Variants in MED30 observed in about 807,000 individuals in gnomAD.
MED30 encodes the protein mediator complex subunit 30.
Under a neutral mutation model 21.7 loss-of-function variants are expected in MED30, and 8 were observed. The observed-to-expected ratio is 0.37, with a 90% confidence interval of 0.22 to 0.67. MED30 has a LOEUF of 0.67. Among genes scored for constraint, MED30 ranks in the 30% least tolerant of loss-of-function variants. The pLI, the probability that MED30 is intolerant of heterozygous loss-of-function variation, is 0.58. For synonymous variants in MED30, 79 were observed against 86.7 expected (o/e 0.91, Z 0.49); for missense variants, 203 against 228.2 (o/e 0.89, Z 0.71).
intron 2 of MED30, among the ~76,000 whole-genome samples, chr8:117,529,453 A>C (rs906362817): frequency 6.6e-6 from 1 of 151,994 alleles, no homozygotes; most frequent in Non-Finnish European, 1.5e-5. Flanking sequence ...TGTGGCCTAC[A>C]TCGTCAGATG....
intron 1 of MED30, chr8:117,523,275 C>T (rs1434390965): frequency 1.7e-6 from 2 of 1,154,282 alleles, no homozygotes; most frequent in African/African-American, 3.0e-5. Flanking sequence ...ACTGAGGTGG[C>T]TGACCATGTC....
intron 1 of MED30, 48 bp from the exon 2 acceptor site, chr8:117,528,602 AT>A (rs568189422): frequency 4.7e-5 from 69 of 1,465,660 alleles, no homozygotes; most frequent in South Asian, 1.3e-4. Context: ...GAAAATCTTG[AT>A]TTTTTTTTCA....
rs1818753976 is a variant in MED30, at chr8:117,528,645, G to A, written c.178-6G>A. 6.5e-7 allele frequency: 1 copy of A among 1,536,924 alleles called. No individual in the cohort carries two copies. The highest frequency in any genetic ancestry group is 8.7e-7 in the Non-Finnish European group (1 of 1,144,932). On this transcript the variant is annotated splice_region_variant and splice_polypyrimidine_tract_variant and intron_variant, in intron 1 of 3. Coordinates refer to ENST00000297347, the MANE Select transcript of MED30 (RefSeq NM_080651.4). ...GATATTTTTATTCTTTGTTTTTCCT[G>A]ATAAGCTGCCAAATGGTGTCACTTA...
intron 3 of MED30, among the ~76,000 whole-genome samples, chr8:117,534,003 T>C (rs1372920305): frequency 6.6e-6 from 1 of 152,246 alleles, no homozygotes; most frequent in Non-Finnish European, 1.5e-5. Flanking sequence ...TTGTAAGTTA[T>C]GTTTCCTCAG....
chr8:117,533,065 T>A lies in MED30; in HGVS notation c.441+2238T>A, dbSNP rs1818813146. ...AACTTTGGTTTCAGAGTACCACATGTGTAACTAATGTAAACATAGTTTGTT... is the reference window on the plus strand; with the variant it reads ...AACTTTGGTTTCAGAGTACCACATGAGTAACTAATGTAAACATAGTTTGTT... On this transcript the variant is annotated intron_variant, in intron 3 of 3. Coordinates refer to ENST00000297347, the MANE Select transcript of MED30 (RefSeq NM_080651.4). 2.0e-5 allele frequency among the ~76,000 whole-genome samples: 3 copies of A among 152,210 alleles called. No individual in the cohort carries two copies. In the South Asian group the frequency reaches 6.2e-4, roughly 32 times the overall value.
chr8:117,530,906 A>G, intron 3 of MED30, 79 bp downstream of exon 3: 1 of 942,260 alleles, frequency 1.1e-6, no homozygotes, highest in South Asian at 1.6e-5. Context: ...ACTCCAAAAC[A>G]TAATTTGAAT....
chr8:117,524,947 T>TA (rs1348208593), intron 1 of MED30, among the ~76,000 whole-genome samples: 1 of 152,210 alleles, frequency 6.6e-6, no homozygotes, highest in Non-Finnish European at 1.5e-5. Context: ...GTGTATAGTT[T>TA]ACACTGCATG....
chr8:117,523,376 G>C (rs1416154852), intron 1 of MED30: 3 of 1,545,246 alleles, frequency 1.9e-6, no homozygotes, highest in Non-Finnish European at 2.7e-6. Context: ...ACAGCACTCC[G>C]TCTGTAGGTA....
intron 1 of MED30, among the ~76,000 whole-genome samples, chr8:117,528,314 G>A (rs1219528745): frequency 3.3e-5 from 5 of 151,534 alleles, no homozygotes; most frequent in Admixed American, 3.3e-4. Flanking sequence ...GTTGAGGTCA[G>A]CAGCATGCTG....
chr8:117,533,512 A>G (rs919144880), intron 3 of MED30, among the ~76,000 whole-genome samples: 2 of 152,210 alleles, frequency 1.3e-5, no homozygotes, highest in Admixed American at 6.5e-5. Context: ...AATAATCTGT[A>G]TCATATAATT....
At chr8:117,533,757 G>T (rs1818824963) in intron 3 of MED30, among the ~76,000 whole-genome samples, 1 of 152,080 alleles carries the variant, frequency 6.6e-6, no homozygotes, top group Admixed American at 6.5e-5. Context: ...GTTTTCTATG[G>T]TCTTATAGGT....
intron 1 of MED30, among the ~76,000 whole-genome samples, chr8:117,527,838 G>A (rs1274326020): frequency 6.6e-5 from 10 of 151,718 alleles, no homozygotes; most frequent in Non-Finnish European, 1.5e-4. Context: ...AGATCAGATT[G>A]TGGGAATAAA....
In MED30 at chr8:117,539,891, A is replaced by G. The variant is rs1818949622; in HGVS notation, c.450A>G (p.Lys150=). The G allele has an allele frequency of 6.3e-7, 1 of 1,598,466 alleles. No individual in the cohort carries two copies. Among genetic ancestry groups the G allele is most frequent in the African/African-American group, 1.3e-5 (1 of 74,676 alleles). The change falls in exon 4 of 4, where the codon AAA becomes AAG. Residue 150 remains lysine, a synonymous_variant. Transcript: ENST00000297347. ...TTCTTTTGTTTCTACAGAAACTCAA[A>G]CAGAAGAATCAACAGCTGAAACAAA... is the stretch of plus-strand genomic sequence containing the variant. ...REIAEVNKKL[K]QKNQQLKQIM... is the part of the protein sequence containing the mutation.
At chr8:117,523,366 A>G in intron 1 of MED30, 2 of 1,535,644 alleles carry the variant, frequency 1.3e-6, no homozygotes. Flanking sequence ...ACCAGGGGGC[A>G]CAGCACTCCG....
At chr8:117,527,616 A>G (rs114436775) in intron 1 of MED30, among the ~76,000 whole-genome samples, 1,559 of 143,996 alleles carry the variant, frequency 0.011, 33 homozygotes, top group African/African-American at 0.038. Flanking sequence ...ACATTGTATC[A>G]TGCTTTTCTT....
rs1818955517 is a variant in MED30, at chr8:117,540,183, G to A, written c.*205G>A. 1 of 326,634 alleles carries A rather than the reference G, an allele frequency of 3.1e-6. No homozygotes were observed. The highest frequency in any genetic ancestry group is 5.1e-5 in the Admixed American group (1 of 19,794). The allele number at this position is 326,634 out of a possible 1,614,324, so 20.2% of individuals were successfully genotyped here. A position where few individuals can be genotyped will look rare whatever the true frequency, so the allele number is the denominator to read the frequency against. ...AAGATTATTGTAATAAACTTTGATG[G>A]GGTTTGTATTTTGGTTAATCTTCAT... On this transcript the variant is annotated 3_prime_UTR_variant, in exon 4 of 4. Coordinates refer to ENST00000297347, the MANE Select transcript of MED30 (RefSeq NM_080651.4).
intron 1 of MED30, among the ~76,000 whole-genome samples, chr8:117,522,557 G>A (rs966024713): frequency 1.3e-5 from 2 of 151,916 alleles, no homozygotes; most frequent in Non-Finnish European, 2.9e-5. Flanking sequence ...CTAGTCAGTG[G>A]TAGGGTAAAT....
In MED30 at chr8:117,520,855, G is replaced by C. The variant is rs564361759; in HGVS notation, c.-22G>C. ...TGACACCTGCTGTCTGGCCCCTTCC[G>C]GCCTGAAGCTGCAGCCGCGCCATGT... is the stretch of plus-strand genomic sequence containing the variant. On this transcript the variant is annotated 5_prime_UTR_variant, in exon 1 of 4. Transcript: ENST00000297347. 2.7e-5 allele frequency: 42 copies of C among 1,562,382 alleles called. No homozygotes were observed. Among genetic ancestry groups the C allele is most frequent in the Middle Eastern group, 4.5e-4 (2 of 4,448 alleles).
In MED30 at chr8:117,520,898, G is replaced by A; in HGVS notation, c.22G>A (p.Ala8Thr). The A allele has an allele frequency of 1.2e-6, 2 of 1,604,716 alleles. No homozygotes were observed. The highest frequency in any genetic ancestry group is 1.7e-6 in the Non-Finnish European group (2 of 1,176,044). The stretch of plus-strand genomic sequence containing the variant: ...CGCCATGTCCACCCCTCCGTTGGCC[G>A]CGTCGGGGATGGCGCCCGGGCCCTT... Reference protein sequence around the residue: MSTPPLAASGMAPGPFAG... With the variant: MSTPPLATSGMAPGPFAG... Residue 8 changes from alanine to threonine, a missense_variant, in exon 1 of 4, where the codon GCG (alanine) becomes ACG (threonine). Coordinates refer to ENST00000297347, the MANE Select transcript of MED30 (RefSeq NM_080651.4).
Sources: gnomAD v4.1 joint callset for allele counts (sites outside exome capture counted in the v4.1 genomes callset) on GRCh38, gnomAD v4.1.1 for gene constraint, MANE v1.5 for transcripts, NCBI Gene and HGNC (gene_info 2026-07-23, HGNC 2026-07-21) for gene names.